The following CDC14A variants were observed in gnomAD, a reference collection of about 807,000 sequenced individuals.
CDC14A encodes the protein cell division cycle 14A.
A neutral mutation model predicts 74.4 loss-of-function variants in CDC14A; 53 were observed. That is an observed-to-expected ratio of 0.71 (90% CI 0.57 to 0.89). CDC14A has a LOEUF of 0.89. Among genes scored for constraint, CDC14A ranks in the 40% least tolerant of loss-of-function variants. The probability of loss-of-function intolerance (pLI) is 0.00; values close to 1 mark genes in which losing one functional copy is unlikely to be tolerated. For synonymous variants in CDC14A, 247 were observed against 258.4 expected (o/e 0.96, Z 0.43); for missense variants, 646 against 713.7 (o/e 0.91, Z 1.08).
upstream of CDC14A, among the ~76,000 whole-genome samples, chr1:100,348,384 A>G (rs931476942): frequency 2.6e-5 from 4 of 151,798 alleles, no homozygotes; most frequent in Non-Finnish European, 4.4e-5. Flanking sequence ...TGAATCTTCC[A>G]TCCATTCTTT....
intron 10 of CDC14A, chr1:100,481,088 C>G (rs144282873): frequency 1.3e-5 from 2 of 152,252 alleles, no homozygotes; most frequent in Non-Finnish European, 2.9e-5. Context: ...GCAAGGTAGA[C>G]CATTTTGTTA....
intron 3 of CDC14A, among the ~76,000 whole-genome samples, chr1:100,384,646 A>G (rs2100969720): frequency 6.6e-6 from 1 of 152,352 alleles, no homozygotes; most frequent in South Asian, 2.1e-4. Context: ...CAGCCGCAGT[A>G]TCCTGGCACC....
intron 4 of CDC14A, 165 bp from the exon 5 acceptor site, chr1:100,424,057 C>T: frequency 1.7e-6 from 1 of 590,642 alleles, no homozygotes; most frequent in Non-Finnish European, 3.1e-6. Flanking sequence ...TGCTGCGCAG[C>T]TTCATGCTGA....
chr1:100,393,611 A>G (rs1046006738), intron 4 of CDC14A: 5 of 674,754 alleles, frequency 7.4e-6, no homozygotes, highest in African/African-American at 5.3e-5. Context: ...CCAGCACTGC[A>G]GCTGCTTCCT....
At chr1:100,460,283 C>A (rs79587524) in intron 8 of CDC14A, among the ~76,000 whole-genome samples, 1 of 152,170 alleles carries the variant, frequency 6.6e-6, no homozygotes, top group Non-Finnish European at 1.5e-5. Flanking sequence ...ATGTATACAT[C>A]GTTTCTCTTA....
intron 10 of CDC14A, 49 bp from the exon 11 acceptor site, chr1:100,484,243 T>G (rs1163089862): frequency 8.4e-6 from 10 of 1,189,678 alleles, no homozygotes; most frequent in Non-Finnish European, 1.1e-5. Flanking sequence ...TAGATTGTTT[T>G]AAAGATAACT....
intron 15 of CDC14A, among the ~76,000 whole-genome samples, chr1:100,515,818 T>C (rs1262738978): frequency 6.6e-6 from 1 of 152,256 alleles, no homozygotes; most frequent in Non-Finnish European, 1.5e-5. Context: ...TTATACCATA[T>C]AAAGAAACCA....
At chr1:100,379,039 C>T (rs1435487138) in intron 3 of CDC14A, among the ~76,000 whole-genome samples, 1 of 152,020 alleles carries the variant, frequency 6.6e-6, no homozygotes, top group East Asian at 1.9e-4. Flanking sequence ...AATTTCTTTG[C>T]TGTCTTGATT....
intron 9 of CDC14A, among the ~76,000 whole-genome samples, chr1:100,466,932 A>T (rs6577173): frequency 0.056 from 8,478 of 151,144 alleles, 843 homozygotes; most frequent in African/African-American, 0.2. Context: ...CTGTAGACAC[A>T]AAATTGTTGT....
At chr1:100,444,767 T>C (rs2101139024) in intron 7 of CDC14A, among the ~76,000 whole-genome samples, 1 of 152,350 alleles carries the variant, frequency 6.6e-6, no homozygotes, top group Admixed American at 6.5e-5. Context: ...ATCATGGCTA[T>C]TTGTGTACAA....
chr1:100,463,336 T>G (rs1328419053), intron 9 of CDC14A, among the ~76,000 whole-genome samples: 1 of 152,172 alleles, frequency 6.6e-6, no homozygotes, highest in Non-Finnish European at 1.5e-5. Flanking sequence ...CAGTCTCTGC[T>G]TTTCCCTCCC....
chr1:100,443,009 A>G lies in CDC14A; in HGVS notation c.519+13A>G, dbSNP rs1490723738. 6.5e-7 allele frequency: 1 copy of G among 1,528,652 alleles called. No homozygotes were observed. The highest frequency in any genetic ancestry group is 9.0e-7 in the Non-Finnish European group (1 of 1,106,090). 94.7% of individuals were successfully genotyped at this position (1,528,652 alleles called of 1,614,324 possible). On this transcript the variant is annotated intron_variant, in intron 7 of 15. Transcript: ENST00000336454. ...TGAACATTATGAGGTTTGTACATTTAATTTTTTTTACAAAACATAATTTCA... is the reference window on the plus strand; with the variant it reads ...TGAACATTATGAGGTTTGTACATTTGATTTTTTTTACAAAACATAATTTCA...
chr1:100,369,382 C>T (rs1224191131), intron 2 of CDC14A, among the ~76,000 whole-genome samples: 1 of 152,216 alleles, frequency 6.6e-6, no homozygotes, highest in Non-Finnish European at 1.5e-5. Flanking sequence ...GCTGGAATTA[C>T]AGGCGTGAGC....
chr1:100,427,916 T>C (rs1427210331), intron 5 of CDC14A, among the ~76,000 whole-genome samples: 1 of 152,108 alleles, frequency 6.6e-6, no homozygotes, highest in Non-Finnish European at 1.5e-5. Context: ...GGAGAAGATG[T>C]TAGGAATAGG....
At chr1:100,367,774 A>G (rs1239890707) in intron 2 of CDC14A, among the ~76,000 whole-genome samples, 1 of 152,160 alleles carries the variant, frequency 6.6e-6, no homozygotes, top group African/African-American at 2.4e-5. Context: ...CTGAGCTTCA[A>G]CATACTGTGG....
intron 4 of CDC14A, among the ~76,000 whole-genome samples, chr1:100,421,812 T>A (rs945022154): frequency 2.0e-5 from 3 of 152,236 alleles, no homozygotes; most frequent in African/African-American, 7.2e-5. Context: ...AATGTCACTT[T>A]TCTTCTGAGC....
At chr1:100,449,110 C>G (rs1334349615) in intron 7 of CDC14A, among the ~76,000 whole-genome samples, 1 of 152,150 alleles carries the variant, frequency 6.6e-6, no homozygotes, top group East Asian at 1.9e-4. Context: ...GCTATCTTCA[C>G]CTAAAGGGTG....
chr1:100,518,363 T>G lies in CDC14A; in HGVS notation c.*83T>G. 9.2e-7 allele frequency: 1 copy of G among 1,081,230 alleles called. No individual in the cohort carries two copies. The highest frequency in any genetic ancestry group is 1.4e-6 in the Non-Finnish European group (1 of 697,900). 67.0% of individuals were successfully genotyped at this position (1,081,230 alleles called of 1,614,324 possible). On this transcript the variant is annotated 3_prime_UTR_variant, in exon 16 of 16. Transcript: ENST00000336454. ...CGAGCAGTGGAGAGGGAAAGCAACT[T>G]CTTGCTGGAAGAATATCTCTGCCTT...
rs182359152 is a variant in CDC14A, at chr1:100,462,134, G to A, written c.608-517G>A. ...TGGAATTAGCCATACTTAAGAGATG[G>A]TTTTGAGAATTTGAAATGATACGCA... is the stretch of plus-strand genomic sequence containing the variant. On this transcript the variant is annotated intron_variant, in intron 8 of 15. Coordinates refer to ENST00000336454, the MANE Select transcript of CDC14A (RefSeq NM_003672.4). Among the ~76,000 whole-genome samples the A allele has an allele frequency of 2.1e-4, 32 of 152,296 alleles. No individual in the cohort carries two copies. In the East Asian group the frequency reaches 5.8e-3, roughly 28 times the overall value.
Sources: allele counts gnomAD v4.1 joint callset (sites outside exome capture counted in the v4.1 genomes callset), GRCh38; gene constraint gnomAD v4.1.1; transcripts MANE v1.5; gene names NCBI Gene and HGNC (gene_info 2026-07-23, HGNC 2026-07-21).